DIP2A: variants seen among roughly 807,000 people sequenced by gnomAD.
The protein encoded by DIP2A is disco-interacting protein 2 homolog A.
In DIP2A, 85 loss-of-function variants were observed where a neutral mutation model predicts 177.4. The observed-to-expected ratio is 0.48, with a 90% CI of 0.40 to 0.57. The LOEUF is 0.57. DIP2A is among the 20% of genes least tolerant of loss of function. The pLI is 0.00. For missense variants in DIP2A, 1,791 were observed against 2,100.2 expected, an observed-to-expected ratio of 0.85 and a Z score of 2.88; for synonymous variants, 886 against 881.8, an observed-to-expected ratio of 1.00 and a Z score of -0.08.
intron 6 of DIP2A, among the ~76,000 whole-genome samples, chr21:46,504,951 G>A (rs1660429787): frequency 6.6e-6 from 1 of 152,198 alleles, no homozygotes; most frequent in African/African-American, 2.4e-5. Flanking sequence ...CCCATGTGCA[G>A]GCTCAGAGAT....
chr21:46,517,593 A>G (rs1200207756), intron 8 of DIP2A, among the ~76,000 whole-genome samples: 1 of 152,082 alleles, frequency 6.6e-6, no homozygotes, highest in Non-Finnish European at 1.5e-5. Context: ...CTTTCCTCTG[A>G]TGGCTTCCCA....
At position 46,545,979 on chromosome 21, in the gene DIP2A, T is replaced by A. The variant is rs1245396188; in HGVS notation, c.2394+18T>A. Reference sequence around the variant, plus strand: ...TCGGGCCTGTGAGTATGTCCTCCTGTACCAGCACTGGCAGTCAGAGAAGGT... The same window carrying A: ...TCGGGCCTGTGAGTATGTCCTCCTGAACCAGCACTGGCAGTCAGAGAAGGT... On this transcript the variant is annotated intron_variant, in intron 20 of 37. Coordinates refer to ENST00000417564, the MANE Select transcript of DIP2A (RefSeq NM_015151.4). 6.2e-7 allele frequency: 1 copy of A among 1,613,924 alleles called. No individual in the cohort carries two copies. Among genetic ancestry groups the A allele is most frequent in the Non-Finnish European group, 8.5e-7 (1 of 1,179,868 alleles).
chr21:46,532,304 TC>T, intron 10 of DIP2A, 67 bp downstream of exon 10: 1 of 1,299,244 alleles, frequency 7.7e-7, no homozygotes, highest in Non-Finnish European at 1.1e-6. Context: ...GTATCTTACT[TC>T]CTTTTCACTC....
chr21:46,472,381 G>C (rs1038670509), intron 1 of DIP2A, among the ~76,000 whole-genome samples: 1 of 152,216 alleles, frequency 6.6e-6, no homozygotes, highest in Non-Finnish European at 1.5e-5. Context: ...GTGTCATCCT[G>C]TTGTTTAACA....
At chr21:46,561,682 C>T (rs760257782) in intron 33 of DIP2A, 66 bp from the exon 34 acceptor site, 4 of 1,579,298 alleles carry the variant, frequency 2.5e-6, no homozygotes, top group Admixed American at 3.3e-5. Flanking sequence ...ACGTCATGAT[C>T]TGCCCTTTCA....
the DIP2A span, among the ~76,000 whole-genome samples, chr21:46,576,307 T>G: frequency 6.6e-6 from 1 of 152,064 alleles, no homozygotes; most frequent in Non-Finnish European, 1.5e-5. Flanking sequence ...CCAGTGTGTG[T>G]TGTTCCCCTC....
intron 5 of DIP2A, among the ~76,000 whole-genome samples, chr21:46,503,342 A>C (rs1276003321): frequency 6.6e-6 from 1 of 151,294 alleles, no homozygotes; most frequent in Non-Finnish European, 1.5e-5. Flanking sequence ...AAAAAAAAAA[A>C]AGGAACTTGA....
intron 22 of DIP2A, among the ~76,000 whole-genome samples, chr21:46,550,274 C>T (rs565640158): frequency 6.6e-6 from 1 of 152,342 alleles, no homozygotes; most frequent in East Asian, 1.9e-4. Context: ...ACCATCATCT[C>T]CTCATTGCCC....
the DIP2A span, among the ~76,000 whole-genome samples, chr21:46,576,393 C>T: frequency 1.3e-5 from 2 of 152,032 alleles, no homozygotes; most frequent in African/African-American, 2.4e-5. Flanking sequence ...TCTGTTCCTG[C>T]GTTAGTTTGC....
In DIP2A at chr21:46,569,698, T is replaced by C. The variant is rs979162069; in HGVS notation, c.*2076T>C. The C allele has an allele frequency of 2.6e-5, 4 of 152,222 alleles. No homozygotes were observed. The highest frequency in any genetic ancestry group is 9.6e-5 in the African/African-American group (4 of 41,462). The allele number at this position is 152,222 out of a possible 1,614,324, so 9.4% of individuals were successfully genotyped here. ...ATATCATTATGTTAATAAAAGTTATTGACTTTGTAATTCTGCATTTTGAAA... is the reference window on the plus strand; with the variant it reads ...ATATCATTATGTTAATAAAAGTTATCGACTTTGTAATTCTGCATTTTGAAA... On this transcript the variant is annotated 3_prime_UTR_variant, in exon 38 of 38. Coordinates refer to ENST00000417564, the MANE Select transcript of DIP2A (RefSeq NM_015151.4).
intron 1 of DIP2A, among the ~76,000 whole-genome samples, chr21:46,482,681 T>C (rs1377712510): frequency 6.6e-6 from 1 of 152,196 alleles, no homozygotes; most frequent in Non-Finnish European, 1.5e-5. Flanking sequence ...GCACTACTCA[T>C]CTTTGTTCCT....
intron 32 of DIP2A, 150 bp from the exon 33 acceptor site, chr21:46,560,572 C>T (rs1432594777): frequency 1.0e-6 from 1 of 997,868 alleles, no homozygotes; most frequent in African/African-American, 1.6e-5. Context: ...GGACCTTGAA[C>T]CCCTAGGCGG....
chr21:46,470,910 C>T (rs988737705), intron 1 of DIP2A, among the ~76,000 whole-genome samples: 2 of 130,586 alleles, frequency 1.5e-5, no homozygotes, highest in East Asian at 2.1e-4. Context: ...GCCTGGGAAA[C>T]GAGTGAAATT....
intron 21 of DIP2A, among the ~76,000 whole-genome samples, chr21:46,549,561 C>G (rs1455895000): frequency 6.6e-6 from 1 of 152,100 alleles, no homozygotes; most frequent in African/African-American, 2.4e-5. Flanking sequence ...TCCTGAAGTC[C>G]TCTGTTTTTT....
intron 1 of DIP2A, among the ~76,000 whole-genome samples, chr21:46,479,703 T>A (rs1284252496): frequency 6.6e-6 from 1 of 152,156 alleles, no homozygotes; most frequent in Non-Finnish European, 1.5e-5. Flanking sequence ...ATTGGTTTTT[T>A]TTCTTTTTTT....
intron 1 of DIP2A, among the ~76,000 whole-genome samples, chr21:46,478,457 C>T (rs992375356): frequency 1.3e-5 from 2 of 152,144 alleles, no homozygotes; most frequent in African/African-American, 4.8e-5. Flanking sequence ...GGTGATCTGC[C>T]TGCCTCGGCC....
chr21:46,546,286 A>T, intron 20 of DIP2A: 1 of 1,114,568 alleles, frequency 9.0e-7, no homozygotes, highest in Non-Finnish European at 1.1e-6. Context: ...ACTATTCAAA[A>T]ATAAATGCTT....
chr21:46,511,348 A>G, intron 7 of DIP2A, 69 bp from the exon 8 acceptor site: 4 of 1,440,604 alleles, frequency 2.8e-6, no homozygotes, highest in Non-Finnish European at 3.8e-6. Flanking sequence ...TAAACTATGA[A>G]TGCTTAAAAA....
In DIP2A at chr21:46,545,288, C is replaced by T. The variant is rs762673793; in HGVS notation, c.2313+15C>T. 1.9e-6 allele frequency: 3 copies of T among 1,583,196 alleles called. No homozygotes were observed. The Admixed American group carries it at 5.1e-5, about 27-fold the overall frequency. The stretch of plus-strand genomic sequence containing the variant: ...ATGTGTTTGAGGTTTGTCCCTTTTC[C>T]TGACTTTCATGTTGAAGTTAAGTTG... On this transcript the variant is annotated intron_variant, in intron 19 of 37. Transcript: ENST00000417564.
Sources: allele counts gnomAD v4.1 joint callset (sites outside exome capture counted in the v4.1 genomes callset), GRCh38; gene constraint gnomAD v4.1.1; transcripts MANE v1.5; gene names NCBI Gene and HGNC (gene_info 2026-07-23, HGNC 2026-07-21).